CPT1A: variants seen among roughly 807,000 people sequenced by gnomAD.
The protein encoded by CPT1A is carnitine palmitoyltransferase 1A, also known as carnitine O-palmitoyltransferase 1, liver isoform.
CPT1A carries 64 observed loss-of-function variants against 100.8 expected under a neutral mutation model. The ratio of observed to expected loss-of-function variants is 0.63; its 90% CI spans 0.52 to 0.78. The LOEUF (loss-of-function observed/expected upper bound fraction) is 0.78, where lower values mean the gene tolerates loss of function less well. Ranked by LOEUF, CPT1A falls within the 30% of genes least tolerant of loss-of-function variation. The probability of loss-of-function intolerance (pLI) is 0.00; values close to 1 mark genes in which losing one functional copy is unlikely to be tolerated. For missense variants in CPT1A, 802 were observed against 1,034.1 expected (o/e 0.78, Z 3.08); for synonymous variants, 363 against 396.0 (o/e 0.92, Z 0.99).
intron 1 of CPT1A, among the ~76,000 whole-genome samples, chr11:68,819,072 G>C (rs923955764): frequency 3.3e-5 from 5 of 152,020 alleles, no homozygotes; most frequent in Admixed American, 2.0e-4. Context: ...GACTCCCGTG[G>C]AGTCTCAAGG....
rs1479759164 is a variant in CPT1A at position 68,755,311 on chromosome 11, T to G, written c.*2333A>C. On this transcript the variant is annotated 3_prime_UTR_variant, in exon 19 of 19. Transcript: ENST00000265641. ...GGCTCTGATAGGGACTGACGCCGGC[T>G]GCTGGCTTTTAACGGGAAGTGCTAT... The G allele has an allele frequency of 6.3e-6, 1 of 158,020 alleles. No homozygotes were observed. Among genetic ancestry groups the G allele is most frequent in the Non-Finnish European group, 1.4e-5 (1 of 70,306 alleles). 9.8% of individuals were successfully genotyped at this position (158,020 alleles called of 1,614,324 possible). A position where few individuals can be genotyped will look rare whatever the true frequency, so the allele number is the denominator to read the frequency against.
chr11:68,828,021 T>C (rs1856776282), intron 1 of CPT1A, among the ~76,000 whole-genome samples: 2 of 152,212 alleles, frequency 1.3e-5, no homozygotes, highest in African/African-American at 4.8e-5. Context: ...CTTGTCCATG[T>C]TGCAGCATCG....
Position 68,804,029 on chromosome 11 carries a change from C to A in CPT1A, c.526G>T (p.Val176Phe). 6 of 1,614,106 alleles carry A rather than the reference C, an allele frequency of 3.7e-6. No individual in the cohort carries two copies. The highest frequency in any genetic ancestry group is 1.1e-5 in the South Asian group (1 of 91,086). ...SFQTSLPRLP[V>F]PAVKDTVNRY... Reference sequence around the variant, plus strand: ...TTCACAGTGTCTTTGACAGCCGGGACCGGCAGGCGAGGCAGCGATGTCTGG... The same window carrying A: ...TTCACAGTGTCTTTGACAGCCGGGAACGGCAGGCGAGGCAGCGATGTCTGG... Residue 176 changes from valine to phenylalanine, a missense_variant, in exon 5 of 19, where the codon GTC (valine) becomes TTC (phenylalanine). This residue lies in a region of CPT1A where 627 missense variants were observed against 799.3 expected (regional missense o/e 0.78). Transcript: ENST00000265641.
At chr11:68,834,427 C>T (rs115195916) in intron 1 of CPT1A, among the ~76,000 whole-genome samples, 9,504 of 151,902 alleles carry the variant, frequency 0.063, 429 homozygotes, top group South Asian at 0.14. Context: ...CAGAGGGAGA[C>T]TTCGTCTCAA....
chr11:68,790,193 C>A (rs1162369026), intron 9 of CPT1A, among the ~76,000 whole-genome samples: 2 of 152,122 alleles, frequency 1.3e-5, no homozygotes, highest in Non-Finnish European at 2.9e-5. Context: ...TCCTCAGCCT[C>A]CTGAGTAGCT....
chr11:68,801,629 GAA>G (rs746559700), intron 5 of CPT1A, among the ~76,000 whole-genome samples: 4 of 125,738 alleles, frequency 3.2e-5, no homozygotes, highest in Non-Finnish European at 3.3e-5. Context: ...GACTCTGTCT[GAA>G]AAAAAAAAAA....
chr11:68,810,751 G>A (rs1036356296), intron 3 of CPT1A, among the ~76,000 whole-genome samples: 4 of 152,146 alleles, frequency 2.6e-5, no homozygotes, highest in Admixed American at 2.0e-4. Context: ...TTGGGAGGCC[G>A]AGGCGAGTGG....
intron 3 of CPT1A, among the ~76,000 whole-genome samples, chr11:68,810,477 C>T (rs1226664882): frequency 6.6e-6 from 1 of 152,180 alleles, no homozygotes; most frequent in Non-Finnish European, 1.5e-5. Context: ...TTATAGAGGC[C>T]TGAGCCAGCG....
chr11:68,775,445 G>C lies in CPT1A; in HGVS notation c.1459-13C>G. ...TGGACATGACGTACTGTCAAAAATAGAACAAAATTATTAAAACTAACAGTG... is the reference window on the plus strand; with the variant it reads ...TGGACATGACGTACTGTCAAAAATACAACAAAATTATTAAAACTAACAGTG... On this transcript the variant is annotated splice_polypyrimidine_tract_variant and intron_variant, in intron 12 of 18. Transcript: ENST00000265641. 6.3e-7 allele frequency: 1 copy of C among 1,590,278 alleles called. No homozygotes were observed. The highest frequency in any genetic ancestry group is 8.6e-7 in the Non-Finnish European group (1 of 1,158,218).
At chr11:68,789,650 C>T (rs1855561921) in intron 9 of CPT1A, among the ~76,000 whole-genome samples, 1 of 152,192 alleles carries the variant, frequency 6.6e-6, no homozygotes, top group Admixed American at 6.5e-5. Flanking sequence ...GATCCACCCG[C>T]CTCGGCCTCC....
At chr11:68,762,555 A>T (rs1854657232) in intron 15 of CPT1A, 72 bp downstream of exon 15, 2 of 1,584,312 alleles carry the variant, frequency 1.3e-6, no homozygotes, top group Non-Finnish European at 8.6e-7. Flanking sequence ...GAGAAGCTGG[A>T]GTGATGGCCT....
At chr11:68,811,204 A>G (rs542358401) in intron 3 of CPT1A, among the ~76,000 whole-genome samples, 6 of 152,154 alleles carry the variant, frequency 3.9e-5, no homozygotes, top group Admixed American at 3.3e-4. Flanking sequence ...ACAAAGCCCA[A>G]TTATGAGGAG....
At chr11:68,825,105 T>C (rs139274074) in intron 1 of CPT1A, among the ~76,000 whole-genome samples, 238 of 152,190 alleles carry the variant, frequency 1.6e-3, no homozygotes, top group African/African-American at 5.1e-3. Context: ...TCTTTTATCA[T>C]ATCTGGGACT....
At chr11:68,809,198 C>T (rs1357527435) in intron 3 of CPT1A, among the ~76,000 whole-genome samples, 23 of 152,094 alleles carry the variant, frequency 1.5e-4, no homozygotes, top group Admixed American at 1.5e-3. Flanking sequence ...ACACTCTTTT[C>T]TGGTCATCTA....
intron 9 of CPT1A, among the ~76,000 whole-genome samples, chr11:68,787,653 A>C (rs1208119009): frequency 6.6e-6 from 1 of 151,130 alleles, no homozygotes; most frequent in Non-Finnish European, 1.5e-5. Flanking sequence ...TAAGAAGAGG[A>C]GTTTAGGGTT....
chr11:68,824,872 C>T (rs892928073), intron 1 of CPT1A, among the ~76,000 whole-genome samples: 2 of 142,606 alleles, frequency 1.4e-5, no homozygotes, highest in Non-Finnish European at 3.0e-5. Context: ...GATCTAGGCT[C>T]ACGTTAACCT....
At chr11:68,824,173 G>A (rs1345054811) in intron 1 of CPT1A, among the ~76,000 whole-genome samples, 1 of 149,840 alleles carries the variant, frequency 6.7e-6, no homozygotes, top group Non-Finnish European at 1.5e-5. Context: ...GCTTGAACCT[G>A]GGAGGCGGAG....
At chr11:68,804,725 AC>A (rs1855997511) in intron 4 of CPT1A, among the ~76,000 whole-genome samples, 1 of 152,074 alleles carries the variant, frequency 6.6e-6, no homozygotes, top group South Asian at 2.1e-4. Flanking sequence ...GGTGAGTCTC[AC>A]CCCACCTCCT....
intron 12 of CPT1A, 110 bp downstream of exon 12, chr11:68,780,530 C>T (rs992100688): frequency 2.1e-5 from 18 of 877,912 alleles, no homozygotes; most frequent in Admixed American, 1.8e-4. Context: ...GTGATCTGCC[C>T]GCCTCGGCCT....
Sources: allele counts gnomAD v4.1 joint callset (sites outside exome capture counted in the v4.1 genomes callset), GRCh38; gene constraint gnomAD v4.1.1; regional missense constraint gnomAD v4.1.1; transcripts MANE v1.5; gene names NCBI Gene and HGNC (gene_info 2026-07-23, HGNC 2026-07-21).